Variants in EIF4G3 observed in about 807,000 individuals in gnomAD.
The protein encoded by EIF4G3 is eIF-4-gamma 3.
A neutral mutation model predicts 186.4 loss-of-function variants in EIF4G3; 34 were observed. The ratio of observed to expected loss-of-function variants is 0.18; its 90% CI spans 0.14 to 0.24. The LOEUF (loss-of-function observed/expected upper bound fraction) is 0.24. Ranked by LOEUF, EIF4G3 falls within the 10% of genes least tolerant of loss-of-function variation. The probability of loss-of-function intolerance (pLI) is 1.00; values close to 1 mark genes in which losing one functional copy is unlikely to be tolerated. For synonymous variants in EIF4G3, 673 were observed against 679.5 expected (o/e 0.99, Z 0.15); for missense variants, 1,536 against 1,948.5 (o/e 0.79, Z 3.99).
At position 21,114,208 on chromosome 1, in the gene EIF4G3, G is replaced by A. The variant is rs537761943; in HGVS notation, c.-271-24995C>T. On this transcript the variant is annotated intron_variant, in intron 2 of 36. Transcript: ENST00000602326. ...TGTTGCCAGGCTGGAGTGCAGTGGC[G>A]CGATCTCGCCTCACTGAAACCTCCG... 3.2e-4 allele frequency among the ~76,000 whole-genome samples: 48 copies of A among 151,058 alleles called. 2 individuals are homozygous for A. The highest frequency in any genetic ancestry group is 2.9e-3 in the Admixed American group (44 of 15,104).
intron 13 of EIF4G3, among the ~76,000 whole-genome samples, chr1:20,943,990 G>T (rs1187802094): frequency 2.4e-5 from 3 of 125,686 alleles, no homozygotes; most frequent in African/African-American, 8.8e-5. Flanking sequence ...GTGTGTGTGT[G>T]TGTGTGTGTG....
intron 33 of EIF4G3, among the ~76,000 whole-genome samples, chr1:20,820,293 T>C (rs1016338390): frequency 3.9e-5 from 6 of 152,094 alleles, no homozygotes; most frequent in Admixed American, 2.0e-4. Context: ...GAGCCCTGCC[T>C]CTTCTGAGTT....
At chr1:21,053,972 T>C (rs1466222040) in intron 3 of EIF4G3, among the ~76,000 whole-genome samples, 3 of 152,248 alleles carry the variant, frequency 2.0e-5, no homozygotes, top group South Asian at 2.1e-4. Flanking sequence ...GGAGGTGTAC[T>C]CAACAGCTCA....
intron 14 of EIF4G3, among the ~76,000 whole-genome samples, chr1:20,917,772 C>T (rs2094049052): frequency 6.6e-6 from 1 of 151,952 alleles, no homozygotes; most frequent in Non-Finnish European, 1.5e-5. Context: ...TCAACTATAC[C>T]TCAATAGAAA....
chr1:20,861,851 G>A (rs575555811), intron 23 of EIF4G3, among the ~76,000 whole-genome samples: 1 of 152,198 alleles, frequency 6.6e-6, no homozygotes. Context: ...GCATGTGCCT[G>A]TAATCCCAGC....
intron 12 of EIF4G3, 119 bp from the exon 13 acceptor site, chr1:20,950,230 GA>G (rs2096147544): frequency 1.7e-6 from 1 of 580,992 alleles, no homozygotes; most frequent in African/African-American, 2.0e-5. Context: ...ATTAAAAAAG[GA>G]AAGCAAGGAA....
intron 4 of EIF4G3, among the ~76,000 whole-genome samples, chr1:21,010,419 C>CAAAAAAA (rs11318361): frequency 1.2e-4 from 12 of 101,010 alleles, no homozygotes; most frequent in Admixed American, 4.0e-4. Context: ...GACTCTGTCT[C>CAAAAAAA]AAAAAAAAAA....
intron 4 of EIF4G3, among the ~76,000 whole-genome samples, chr1:21,034,273 C>A (rs1010870483): frequency 6.6e-6 from 1 of 152,148 alleles, no homozygotes; most frequent in Non-Finnish European, 1.5e-5. Context: ...ATGTTATCTA[C>A]CACAAATATT....
rs2095737439 is a variant in EIF4G3, at chr1:20,942,046, G to T, written c.1108C>A (p.Pro370Thr). 6.2e-7 allele frequency: 1 copy of T among 1,614,170 alleles called. No homozygotes were observed. Among genetic ancestry groups the T allele is most frequent in the Non-Finnish European group, 8.5e-7 (1 of 1,180,022 alleles). The change falls in exon 14 of 37, where the codon CCC (proline) becomes ACC (threonine). Residue 370 changes from proline to threonine, a missense_variant. By Grantham distance (38) the Pro-to-Thr change is conservative. Coordinates refer to ENST00000602326, the MANE Select transcript of EIF4G3 (RefSeq NM_001391906.1). ...SSPREDTIPI[P>T]SLTSCTETSD... Reference sequence around the variant, plus strand: ...GTTTCTGTGCAAGATGTGAGGCTGGGTATAGGAATTGTGTCTTCTCTTGGG... The same window carrying T: ...GTTTCTGTGCAAGATGTGAGGCTGGTTATAGGAATTGTGTCTTCTCTTGGG...
chr1:21,090,995 A>C (rs1294982933), intron 2 of EIF4G3, among the ~76,000 whole-genome samples: 1 of 152,194 alleles, frequency 6.6e-6, no homozygotes, highest in Non-Finnish European at 1.5e-5. Context: ...CATAGTTCTG[A>C]AATAAAAAAG....
rs193208837 is a variant in EIF4G3 at position 21,042,325 on chromosome 1, T to C, written c.-67+8541A>G. Among the ~76,000 whole-genome samples, 11 of 152,344 alleles carry C rather than the reference T, an allele frequency of 7.2e-5. No homozygotes were observed. In the East Asian group the frequency reaches 1.2e-3, roughly 16 times the overall value. ...TCGTTCTATATATCAATTTATAATA[T>C]TCATTCTTTATACTTAATTGATTCT... On this transcript the variant is annotated intron_variant, in intron 4 of 36. Transcript: ENST00000602326.
intron 2 of EIF4G3, among the ~76,000 whole-genome samples, chr1:21,140,992 A>G (rs1177270907): frequency 6.6e-6 from 1 of 152,220 alleles, no homozygotes; most frequent in Admixed American, 6.5e-5. Flanking sequence ...TAACATATAT[A>G]TTTTTTAAAT....
chr1:21,078,232 G>A (rs1243059391), intron 3 of EIF4G3, among the ~76,000 whole-genome samples: 1 of 152,156 alleles, frequency 6.6e-6, no homozygotes, highest in Non-Finnish European at 1.5e-5. Flanking sequence ...TCCATCAACA[G>A]AATAATGGAT....
chr1:20,824,540 C>T (rs1206039360), intron 33 of EIF4G3, among the ~76,000 whole-genome samples: 1 of 152,190 alleles, frequency 6.6e-6, no homozygotes, highest in Non-Finnish European at 1.5e-5. Context: ...CTCAACCTAA[C>T]AGCCCACAAA....
intron 19 of EIF4G3, among the ~76,000 whole-genome samples, chr1:20,885,899 G>C (rs2083971207): frequency 6.6e-6 from 1 of 152,138 alleles, no homozygotes. Flanking sequence ...CTCAATCACT[G>C]AGAATCTAAA....
chr1:21,097,240 T>C (rs995045512), intron 2 of EIF4G3, among the ~76,000 whole-genome samples: 1 of 152,120 alleles, frequency 6.6e-6, no homozygotes, highest in Non-Finnish European at 1.5e-5. Context: ...AGTGAGACTC[T>C]TTTCATCGAA....
chr1:20,961,437 T>C (rs999188021), intron 12 of EIF4G3, among the ~76,000 whole-genome samples: 4 of 152,188 alleles, frequency 2.6e-5, no homozygotes, highest in Non-Finnish European at 4.4e-5. Context: ...ACAGTTTCAG[T>C]GTACCCACAA....
intron 2 of EIF4G3, among the ~76,000 whole-genome samples, chr1:21,141,377 T>TTGTGTG (rs10627733): frequency 0.016 from 2,252 of 145,176 alleles, 32 homozygotes; most frequent in African/African-American, 0.026. Context: ...TATTTTTTCT[T>TTGTGTG]TGTGTGTGTG....
At chr1:20,855,903 G>C (rs1017688182) in intron 25 of EIF4G3, among the ~76,000 whole-genome samples, 1 of 152,080 alleles carries the variant, frequency 6.6e-6, no homozygotes, top group Non-Finnish European at 1.5e-5. Flanking sequence ...AAAATATTAA[G>C]GTAGTAATGT....
Sources: allele counts gnomAD v4.1 joint callset (sites outside exome capture counted in the v4.1 genomes callset), GRCh38; gene constraint gnomAD v4.1.1; transcripts MANE v1.5; gene names NCBI Gene and HGNC (gene_info 2026-07-23, HGNC 2026-07-21).